The following GRID2 variants were observed in gnomAD, a reference collection of about 807,000 sequenced individuals.
GRID2 encodes the protein glutamate ionotropic receptor delta type subunit 2, also known as glutamate receptor ionotropic, delta-2.
In GRID2, 33 loss-of-function variants were observed where a neutral mutation model predicts 114.8. The observed-to-expected ratio is 0.29, with a 90% CI of 0.22 to 0.38. GRID2 has a LOEUF of 0.38. Among genes scored for constraint, GRID2 ranks in the 10% least tolerant of loss-of-function variants. The pLI is 1.00. For missense variants in GRID2, 1,184 were observed against 1,257.7 expected, an observed-to-expected ratio of 0.94 and a Z score of 0.89; for synonymous variants, 505 against 449.9, an observed-to-expected ratio of 1.12 and a Z score of -1.55.
chr4:92,385,544 A>G (rs1320668489), intron 1 of GRID2, among the ~76,000 whole-genome samples: 1 of 151,644 alleles, frequency 6.6e-6, no homozygotes, highest in African/African-American at 2.4e-5. Context: ...AAGATGTGCT[A>G]TCTTTAGAAC....
chr4:92,870,240 T>A (rs1174127423), intron 2 of GRID2, among the ~76,000 whole-genome samples: 2 of 151,328 alleles, frequency 1.3e-5, no homozygotes, highest in African/African-American at 2.4e-5. Flanking sequence ...ATAAACTATA[T>A]ATATAATATA....
At chr4:92,341,912 C>CA (rs1308783496) in intron 1 of GRID2, among the ~76,000 whole-genome samples, 2,204 of 77,276 alleles carry the variant, frequency 0.029, 53 homozygotes, top group African/African-American at 0.079. Flanking sequence ...GACTCCATCT[C>CA]AAAAAAAAAA....
At chr4:92,388,177 A>G (rs1251499389) in intron 1 of GRID2, among the ~76,000 whole-genome samples, 1 of 152,068 alleles carries the variant, frequency 6.6e-6, no homozygotes, top group Non-Finnish European at 1.5e-5. Flanking sequence ...TGCCAAGGGC[A>G]GTCGTTGATA....
intron 2 of GRID2, among the ~76,000 whole-genome samples, chr4:93,081,144 A>G (rs953535786): frequency 6.6e-6 from 1 of 152,140 alleles, no homozygotes; most frequent in Non-Finnish European, 1.5e-5. Flanking sequence ...GTAATGTGCT[A>G]AAGTCCTGAT....
At chr4:93,129,314 A>G (rs1297189170) in intron 4 of GRID2, among the ~76,000 whole-genome samples, 3 of 152,206 alleles carry the variant, frequency 2.0e-5, no homozygotes, top group Non-Finnish European at 2.9e-5. Context: ...TTTCCTGGCA[A>G]TGTCCTCCAA....
intron 1 of GRID2, among the ~76,000 whole-genome samples, chr4:92,324,226 C>T (rs1453081639): frequency 6.6e-6 from 1 of 151,932 alleles, no homozygotes; most frequent in East Asian, 1.9e-4. Context: ...ACTCCAGTTC[C>T]AAATCCTATT....
intron 2 of GRID2, among the ~76,000 whole-genome samples, chr4:92,778,101 A>G (rs1442486547): frequency 6.6e-6 from 1 of 152,074 alleles, no homozygotes; most frequent in Non-Finnish European, 1.5e-5. Context: ...ACTGCCCTAC[A>G]TGCTTATTTC....
intron 1 of GRID2, among the ~76,000 whole-genome samples, chr4:92,409,504 G>A (rs184648338): frequency 1.3e-5 from 2 of 152,104 alleles, no homozygotes; most frequent in Admixed American, 1.3e-4. Context: ...CTAATATATA[G>A]TATTACTTTT....
At chr4:93,326,912 G>A (rs751414987) in intron 8 of GRID2, among the ~76,000 whole-genome samples, 2 of 152,112 alleles carry the variant, frequency 1.3e-5, no homozygotes, top group South Asian at 2.1e-4. Flanking sequence ...TTTTACTTAT[G>A]ATATACAGAA....
intron 2 of GRID2, among the ~76,000 whole-genome samples, chr4:92,985,524 A>G (rs1754465671): frequency 6.6e-6 from 1 of 152,158 alleles, no homozygotes; most frequent in Non-Finnish European, 1.5e-5. Context: ...GGCGTAAGCC[A>G]CCGCGTCCGG....
intron 1 of GRID2, among the ~76,000 whole-genome samples, chr4:92,569,797 C>A (rs775286398): frequency 6.6e-6 from 1 of 151,884 alleles, no homozygotes; most frequent in Admixed American, 6.6e-5. Flanking sequence ...TGTCCAATGC[C>A]CACTTTTTAA....
intron 1 of GRID2, among the ~76,000 whole-genome samples, chr4:92,571,574 A>G (rs1727625465): frequency 6.6e-6 from 1 of 152,172 alleles, no homozygotes; most frequent in Admixed American, 6.6e-5. Context: ...AATCAACAGA[A>G]TATACATTCT....
intron 13 of GRID2, among the ~76,000 whole-genome samples, chr4:93,618,312 T>C (rs555808424): frequency 6.6e-6 from 1 of 152,324 alleles, no homozygotes; most frequent in African/African-American, 2.4e-5. Flanking sequence ...TTCTACTTGT[T>C]CTAATTTATT....
At chr4:92,735,697 G>A (rs1286802922) in intron 2 of GRID2, among the ~76,000 whole-genome samples, 2 of 151,956 alleles carry the variant, frequency 1.3e-5, no homozygotes. Flanking sequence ...TCAATTGTAT[G>A]AATGTTTCCT....
intron 1 of GRID2, among the ~76,000 whole-genome samples, chr4:92,435,032 A>T (rs1025518035): frequency 6.6e-6 from 1 of 152,152 alleles, no homozygotes; most frequent in African/African-American, 2.4e-5. Flanking sequence ...TATATCCAAG[A>T]TTATTATGTC....
In GRID2 at chr4:93,422,870, G is replaced by A; in HGVS notation, c.1447G>A (p.Gly483Ser). ...TTTGGATGCCTTATCTAACTACCTG[G>A]GTTTTAACTACGAAATTTACGTAGC... ...DVLDALSNYL[G>S]FNYEIYVAPD... Residue 483 changes from glycine to serine, a missense_variant, in exon 10 of 16, where the codon GGT becomes AGT. Gly to Ser is a moderately conservative substitution (Grantham distance 56). This residue lies in a region of GRID2 where 717 missense variants were observed against 796.9 expected (regional missense o/e 0.90). Transcript: ENST00000282020. 6.2e-7 allele frequency: 1 copy of A among 1,613,230 alleles called. No individual in the cohort carries two copies. Among genetic ancestry groups the A allele is most frequent in the Non-Finnish European group, 8.5e-7 (1 of 1,179,296 alleles).
At chr4:93,424,013 A>C (rs1056633495) in intron 10 of GRID2, among the ~76,000 whole-genome samples, 2 of 152,066 alleles carry the variant, frequency 1.3e-5, no homozygotes, top group African/African-American at 4.8e-5. Flanking sequence ...TCTAAAGGTC[A>C]TAATATGCCT....
intron 4 of GRID2, among the ~76,000 whole-genome samples, chr4:93,146,019 T>A (rs1214291396): frequency 2.6e-5 from 4 of 152,128 alleles, no homozygotes; most frequent in Admixed American, 6.6e-5. Flanking sequence ...CTTTGAAAAC[T>A]GCAAGCAAAT....
chr4:93,428,740 CTAACAGA>C (rs1247157824), intron 10 of GRID2, among the ~76,000 whole-genome samples: 1 of 152,028 alleles, frequency 6.6e-6, no homozygotes, highest in African/African-American at 2.4e-5. Flanking sequence ...TATTTAGATT[CTAACAGA>C]TATATTTTTA....
Sources: gnomAD v4.1 joint callset for allele counts (sites outside exome capture counted in the v4.1 genomes callset) on GRCh38, gnomAD v4.1.1 for gene constraint, gnomAD v4.1.1 regional missense constraint, MANE v1.5 for transcripts, NCBI Gene and HGNC (gene_info 2026-07-23, HGNC 2026-07-21) for gene names.